Variants in AUTS2 observed in about 807,000 individuals in gnomAD.
AUTS2 encodes autism susceptibility gene 2 protein.
A neutral mutation model predicts 112.4 loss-of-function variants in AUTS2; 17 were observed. The observed-to-expected ratio is 0.15, with a 90% confidence interval of 0.10 to 0.23. The LOEUF (loss-of-function observed/expected upper bound fraction) is 0.23, where lower values mean the gene tolerates loss of function less well. Among genes scored for constraint, AUTS2 ranks in the 10% least tolerant of loss-of-function variants. The pLI is 1.00. For missense variants in AUTS2, 1,510 were observed against 1,701.6 expected (o/e 0.89, Z 1.98); for synonymous variants, 751 against 702.7 (o/e 1.07, Z -1.09).
chr7:70,468,704 A>G (rs932524240), intron 5 of AUTS2, among the ~76,000 whole-genome samples: 1 of 152,198 alleles, frequency 6.6e-6, no homozygotes, highest in Non-Finnish European at 1.5e-5. Flanking sequence ...AGACCCGGTC[A>G]GCATGGAGCA....
rs71068004 is a variant in AUTS2 at position 69,978,859 on chromosome 7, A to AACACACACACACACACACAC, written c.522+79384_522+79403dup. On this transcript the variant is annotated intron_variant, in intron 2 of 18. Coordinates refer to ENST00000342771, the MANE Select transcript of AUTS2 (RefSeq NM_015570.4). ...AAGACCCTGTCTGTCTCAAAGAAAC[A>AACACACACACACACACACAC]ACACACACACACACACACACACACA... Among the ~76,000 whole-genome samples the AACACACACACACACACACAC allele has an allele frequency of 6.2e-4, 81 of 129,714 alleles. 1 individual carries two copies. Among genetic ancestry groups the AACACACACACACACACACAC allele is most frequent in the Non-Finnish European group, 1.1e-3 (66 of 62,096 alleles). 85.1% of individuals were successfully genotyped at this position (129,714 alleles called of 152,430 possible).
chr7:69,732,018 G>T lies in AUTS2; in HGVS notation c.309+132056G>T, dbSNP rs933703577. 2.7e-5 allele frequency among the ~76,000 whole-genome samples: 4 copies of T among 150,010 alleles called. No individual in the cohort carries two copies. In the East Asian group the frequency reaches 5.8e-4, roughly 22 times the overall value. ...TTTTTGTTTTTTGTTTTTTTTTTCC[G>T]CCATGCCTCACTAGCCTAGTATCAC... is the stretch of plus-strand genomic sequence containing the variant. On this transcript the variant is annotated intron_variant, in intron 1 of 18. Coordinates refer to ENST00000342771, the MANE Select transcript of AUTS2 (RefSeq NM_015570.4).
chr7:69,801,427 A>G (rs1469489247), intron 1 of AUTS2, among the ~76,000 whole-genome samples: 2 of 150,648 alleles, frequency 1.3e-5, no homozygotes, highest in Admixed American at 1.3e-4. Flanking sequence ...GATATACCAT[A>G]TATACATATA....
chr7:69,897,595 A>AC (rs1043798222), intron 1 of AUTS2, among the ~76,000 whole-genome samples: 5 of 151,672 alleles, frequency 3.3e-5, no homozygotes, highest in African/African-American at 1.2e-4. Flanking sequence ...CAAAAAAAAA[A>AC]AAAAACAAAA....
chr7:70,578,912 CTTTT>C (rs71922184), intron 5 of AUTS2, among the ~76,000 whole-genome samples: 11,580 of 145,426 alleles, frequency 0.08, 514 homozygotes, highest in African/African-American at 0.12. Context: ...TCCTTTCTTT[CTTTT>C]TTTTTCTTTC....
At chr7:69,897,460 C>T (rs1356469055) in intron 1 of AUTS2, among the ~76,000 whole-genome samples, 1 of 152,012 alleles carries the variant, frequency 6.6e-6, no homozygotes, top group Non-Finnish European at 1.5e-5. Flanking sequence ...GGCAAATAGA[C>T]TCCCTTAGGC....
intron 4 of AUTS2, among the ~76,000 whole-genome samples, chr7:70,336,684 T>C (rs921813685): frequency 2.6e-5 from 4 of 152,194 alleles, no homozygotes; most frequent in African/African-American, 9.7e-5. Flanking sequence ...GCTAAGAATA[T>C]CTTTAACAGA....
chr7:70,061,480 G>T (rs1208183049), intron 2 of AUTS2, among the ~76,000 whole-genome samples: 1 of 152,168 alleles, frequency 6.6e-6, no homozygotes, highest in Non-Finnish European at 1.5e-5. Context: ...TTAAGAGAGA[G>T]GAAGAGAATG....
intron 5 of AUTS2, among the ~76,000 whole-genome samples, chr7:70,663,295 T>C (rs979392021): frequency 1.3e-5 from 2 of 152,220 alleles, no homozygotes; most frequent in African/African-American, 4.8e-5. Flanking sequence ...CTTGGAAGGC[T>C]GAGGCAGGAG....
At chr7:70,473,192 T>C (rs1195860038) in intron 5 of AUTS2, among the ~76,000 whole-genome samples, 1 of 152,242 alleles carries the variant, frequency 6.6e-6, no homozygotes, top group African/African-American at 2.4e-5. Context: ...AAATGCTTAA[T>C]ATTTGAACGT....
At chr7:70,117,117 G>GTTTTT (rs60488343) in intron 2 of AUTS2, among the ~76,000 whole-genome samples, 4 of 73,084 alleles carry the variant, frequency 5.5e-5, no homozygotes, top group African/African-American at 2.3e-4. Flanking sequence ...TTTTTTTTTT[G>GTTTTT]TTTTTTTTTG....
intron 1 of AUTS2, among the ~76,000 whole-genome samples, chr7:69,693,180 C>T (rs1035004580): frequency 1.3e-5 from 2 of 152,178 alleles, no homozygotes; most frequent in African/African-American, 4.8e-5. Context: ...AGCATCTGTA[C>T]AGTGAGGATT....
At chr7:70,004,420 A>G (rs1047324016) in intron 2 of AUTS2, among the ~76,000 whole-genome samples, 1 of 28,818 alleles carries the variant, frequency 3.5e-5, no homozygotes, top group Non-Finnish European at 5.1e-5. Context: ...TATATAATAT[A>G]TTATATATAT....
At chr7:70,713,713 T>G (rs1810190201) in intron 6 of AUTS2, among the ~76,000 whole-genome samples, 1 of 151,720 alleles carries the variant, frequency 6.6e-6, no homozygotes, top group African/African-American at 2.4e-5. Context: ...GCTAACATGG[T>G]GAAACCCCGT....
At chr7:70,181,886 C>G (rs1225161933) in intron 4 of AUTS2, among the ~76,000 whole-genome samples, 8 of 150,816 alleles carry the variant, frequency 5.3e-5, no homozygotes, top group Non-Finnish European at 1.5e-5. Context: ...CAAGCTCCAC[C>G]TCCCAGGTTC....
At chr7:70,276,851 G>C (rs2129609798) in intron 4 of AUTS2, among the ~76,000 whole-genome samples, 1 of 152,262 alleles carries the variant, frequency 6.6e-6, no homozygotes. Flanking sequence ...CTAGTAATAG[G>C]CTTGAGTTTC....
chr7:69,727,451 A>G (rs1786571103), intron 1 of AUTS2, among the ~76,000 whole-genome samples: 1 of 152,052 alleles, frequency 6.6e-6, no homozygotes, highest in Non-Finnish European at 1.5e-5. Context: ...GTAGCCAGGT[A>G]TGGTGGTGGG....
At chr7:70,643,951 G>A (rs1236946709) in intron 5 of AUTS2, among the ~76,000 whole-genome samples, 4 of 151,920 alleles carry the variant, frequency 2.6e-5, no homozygotes, top group Non-Finnish European at 5.9e-5. Context: ...TGACGTCCTG[G>A]CTCGCCCCAC....
chr7:70,606,908 C>T (rs1044006284), intron 5 of AUTS2, among the ~76,000 whole-genome samples: 1 of 151,322 alleles, frequency 6.6e-6, no homozygotes, highest in African/African-American at 2.4e-5. Flanking sequence ...TTCTCATACA[C>T]GTGCGCACAC....
Sources: gnomAD v4.1 joint callset for allele counts (sites outside exome capture counted in the v4.1 genomes callset) on GRCh38, gnomAD v4.1.1 for gene constraint, MANE v1.5 for transcripts, NCBI Gene and HGNC (gene_info 2026-07-23, HGNC 2026-07-21) for gene names.